The following ARHGEF10L variants were observed in gnomAD, a reference collection of about 807,000 sequenced individuals.
ARHGEF10L encodes rho guanine nucleotide exchange factor 10-like protein.
ARHGEF10L carries 69 observed loss-of-function variants against 141.2 expected under a neutral mutation model. The ratio of observed to expected loss-of-function variants is 0.49; its 90% CI spans 0.40 to 0.60. The LOEUF (loss-of-function observed/expected upper bound fraction) is 0.60. ARHGEF10L is among the 20% of genes least tolerant of loss of function. The pLI is 0.00. For synonymous variants in ARHGEF10L, 711 were observed against 718.5 expected (o/e 0.99, Z 0.17); for missense variants, 1,482 against 1,734.3 (o/e 0.85, Z 2.58).
chr1:17,616,018 TG>T, intron 8 of ARHGEF10L, 75 bp from the exon 9 acceptor site: 3 of 1,272,338 alleles, frequency 2.4e-6, no homozygotes, highest in East Asian at 4.6e-5. Flanking sequence ...GGCCGAGGCC[TG>T]GGGAGGCGGG....
rs544766349 is a variant in ARHGEF10L at position 17,644,260 on chromosome 1, A to G, written c.2272+3958A>G. 2.0e-5 allele frequency among the ~76,000 whole-genome samples: 3 copies of G among 152,340 alleles called. No individual in the cohort carries two copies. Among genetic ancestry groups the G allele is most frequent in the East Asian group, 1.9e-4 (1 of 5,172 alleles). ...GCCCATAGTCGTCACACTGACGCCA[A>G]TATTCCTTCCGGGATGACTCCAGCT... On this transcript the variant is annotated intron_variant, in intron 21 of 28. Transcript: ENST00000361221. The surrounding 1 kb of genome is among the most constrained non-coding windows in gnomAD (Gnocchi z 4.5).
intron 1 of ARHGEF10L, among the ~76,000 whole-genome samples, chr1:17,571,823 C>A (rs1010275699): frequency 4.6e-5 from 7 of 152,172 alleles, no homozygotes; most frequent in African/African-American, 1.7e-4. Flanking sequence ...CATGAACCAC[C>A]ATGTCTGGCC....
chr1:17,691,260 T>C (rs1344876913), intron 27 of ARHGEF10L: 1 of 377,506 alleles, frequency 2.6e-6, no homozygotes, highest in East Asian at 9.0e-5. Flanking sequence ...ATTTTTTTTT[T>C]CTTTCGGACT....
chr1:17,551,851 CA>C (rs2077124307), intron 1 of ARHGEF10L, among the ~76,000 whole-genome samples: 1 of 152,170 alleles, frequency 6.6e-6, no homozygotes, highest in Non-Finnish European at 1.5e-5. Context: ...ACCACAGTCC[CA>C]GGGGTGGAAG....
intron 18 of ARHGEF10L, among the ~76,000 whole-genome samples, chr1:17,637,516 T>G (rs542073692): frequency 3.3e-5 from 5 of 152,110 alleles, no homozygotes; most frequent in East Asian, 1.9e-4. Flanking sequence ...CTTTTTTTTT[T>G]GGGTTGGAGT....
chr1:17,607,816 C>A lies in ARHGEF10L; in HGVS notation c.448C>A (p.Leu150Met). The A allele has an allele frequency of 6.3e-7, 1 of 1,585,682 alleles. No individual in the cohort carries two copies. Among genetic ancestry groups the A allele is most frequent in the South Asian group, 1.1e-5 (1 of 88,522 alleles). ...TTGGCCAGCAGGGGCAGAGAGGAAC[C>A]TGCTCTACGAGGATGCGCACCGGGC... Reference protein sequence around the residue: ...DAHQPGAERNLLYEDAHRAGA... With the variant: ...DAHQPGAERNMLYEDAHRAGA... Residue 150 changes from leucine (L) to methionine (M), a missense_variant, in exon 7 of 29, where the codon CTG (leucine) becomes ATG (methionine). Leu to Met is a conservative substitution (Grantham distance 15). This residue lies in a region of ARHGEF10L where 232 missense variants were observed against 225.9 expected (regional missense o/e 1.03). Coordinates refer to ENST00000361221, the MANE Select transcript of ARHGEF10L (RefSeq NM_018125.4). This position sits in a 1 kb window ranked among gnomAD's most constrained non-coding sequence, Gnocchi z 4.5.
rs555911185 is a variant in ARHGEF10L, at chr1:17,678,329, A to T, written c.3010-9244A>T. ...AACAAAAGGAAATTAAATAGGACTA[A>T]TGAGGAGAATATCAATAGCCCATAC... On this transcript the variant is annotated intron_variant, in intron 26 of 28. Transcript: ENST00000361221. Among the ~76,000 whole-genome samples the T allele has an allele frequency of 5.3e-5, 8 of 152,210 alleles. No individual in the cohort carries two copies. In the South Asian group the frequency reaches 1.2e-3, roughly 24 times the overall value.
chr1:17,626,197 C>T, intron 14 of ARHGEF10L, 149 bp downstream of exon 14: 1 of 632,710 alleles, frequency 1.6e-6, no homozygotes, highest in Non-Finnish European at 2.7e-6. Context: ...TCATCTTTCT[C>T]CACTTCTAGA....
chr1:17,575,516 C>T (rs910337888), intron 1 of ARHGEF10L, among the ~76,000 whole-genome samples: 6 of 152,208 alleles, frequency 3.9e-5, no homozygotes, highest in African/African-American at 1.4e-4. Context: ...GGTCAGGTGG[C>T]ATGGTCATGG....
At chr1:17,657,780 T>A (rs538967224) in intron 25 of ARHGEF10L, among the ~76,000 whole-genome samples, 61 of 152,280 alleles carry the variant, frequency 4.0e-4, no homozygotes, top group African/African-American at 1.4e-3. Flanking sequence ...CGGAGACTCA[T>A]GGGGAGTTCT....
chr1:17,590,909 C>T (rs1303935012), intron 4 of ARHGEF10L, among the ~76,000 whole-genome samples: 2 of 152,288 alleles, frequency 1.3e-5, no homozygotes, highest in Admixed American at 6.5e-5. Context: ...ATCGCTTGAA[C>T]CTGGGAGGTG....
chr1:17,653,715 T>G (rs1421819779), intron 22 of ARHGEF10L, among the ~76,000 whole-genome samples: 1 of 152,188 alleles, frequency 6.6e-6, no homozygotes, highest in Non-Finnish European at 1.5e-5. Flanking sequence ...TCAACCAGAA[T>G]AGAAAGAGCC....
chr1:17,616,096 G>A lies in ARHGEF10L; in HGVS notation c.729G>A (p.Met243Ile), dbSNP rs201155898. The change falls in exon 9 of 29, where the codon ATG becomes ATA. Residue 243 changes from methionine to isoleucine, a missense_variant and splice_region_variant. Physicochemically the swap from Met to Ile is conservative, Grantham distance 10. Transcript: ENST00000361221. ...TGAGCCTCTCTACCTTTGCTCAGAT[G>A]ACCCAGCTCATGAAGGCCGCCAAGA... ...QELKHKYDCK[M>I]TQLMKAAKSG... 1.1e-4 allele frequency: 183 copies of A among 1,613,570 alleles called. No homozygotes were observed. The highest frequency in any genetic ancestry group is 2.0e-4 in the East Asian group (9 of 44,858).
At chr1:17,580,396 T>C (rs532694942) in intron 1 of ARHGEF10L, among the ~76,000 whole-genome samples, 157 bp from the exon 2 acceptor site, 1 of 152,296 alleles carries the variant, frequency 6.6e-6, no homozygotes, top group South Asian at 2.1e-4. Flanking sequence ...TATGGGTTAA[T>C]GATTTATGAA....
chr1:17,598,046 C>A (rs548525375), intron 4 of ARHGEF10L, among the ~76,000 whole-genome samples: 1 of 152,006 alleles, frequency 6.6e-6, no homozygotes, highest in Admixed American at 6.5e-5. Context: ...TGTCTGAGTT[C>A]ATTTGGGCTG....
intron 1 of ARHGEF10L, among the ~76,000 whole-genome samples, chr1:17,545,196 G>A (rs1483210355): frequency 6.6e-6 from 1 of 152,162 alleles, no homozygotes; most frequent in African/African-American, 2.4e-5. Flanking sequence ...AAATTGGCCA[G>A]AGTGAGAGTA....
chr1:17,651,372 G>A (rs1372153864), intron 22 of ARHGEF10L, among the ~76,000 whole-genome samples: 5 of 152,194 alleles, frequency 3.3e-5, no homozygotes, highest in East Asian at 1.9e-4. Flanking sequence ...TGGAGGCAGC[G>A]ACCATGGAGT....
chr1:17,571,123 G>GCCAGGTGAC (rs1553174791), intron 1 of ARHGEF10L, among the ~76,000 whole-genome samples: 2 of 152,278 alleles, frequency 1.3e-5, no homozygotes, highest in Middle Eastern at 3.4e-3. Flanking sequence ...CACGAAGTGA[G>GCCAGGTGAC]CCAGGTGACC....
At chr1:17,637,660 G>A (rs1270363611) in intron 18 of ARHGEF10L, among the ~76,000 whole-genome samples, 9 of 152,024 alleles carry the variant, frequency 5.9e-5, no homozygotes, top group African/African-American at 2.2e-4. Flanking sequence ...CACCATGCCC[G>A]GCTAATTTTT....
Sources: gnomAD v4.1 joint callset for allele counts (sites outside exome capture counted in the v4.1 genomes callset) on GRCh38, gnomAD v4.1.1 for gene constraint, gnomAD v4.1.1 regional missense constraint, Gnocchi (gnomAD v3.1) non-coding constraint, MANE v1.5 for transcripts, NCBI Gene and HGNC (gene_info 2026-07-23, HGNC 2026-07-21) for gene names.